ADORA1: variants seen among roughly 807,000 people sequenced by gnomAD.
ADORA1 encodes the protein adenosine A1 receptor.
A neutral mutation model predicts 19.9 loss-of-function variants in ADORA1; 6 were observed. The ratio of observed to expected loss-of-function variants is 0.30; its 90% confidence interval spans 0.17 to 0.59. ADORA1 has a LOEUF of 0.59. ADORA1 is among the 20% of genes least tolerant of loss of function. ADORA1 has a pLI of 0.87. For synonymous variants in ADORA1, 194 were observed against 188.4 expected, an observed-to-expected ratio of 1.03 and a Z score of -0.24; for missense variants, 302 against 439.2, an observed-to-expected ratio of 0.69 and a Z score of 2.79.
At chr1:203,162,207 C>T (rs1655395294) in intron 3 of ADORA1, among the ~76,000 whole-genome samples, 1 of 152,210 alleles carries the variant, frequency 6.6e-6, no homozygotes, top group Non-Finnish European at 1.5e-5. Context: ...GAGAGCCTGC[C>T]CCACCTCAGC....
intron 3 of ADORA1, among the ~76,000 whole-genome samples, chr1:203,164,100 GGAAGTAGGAACCCCTGA>G (rs1173447091): frequency 6.6e-6 from 1 of 152,184 alleles, no homozygotes; most frequent in Non-Finnish European, 1.5e-5. Context: ...TGGTTTAAAG[GGAAGTAGGAACCCCTGA>G]GATATGAAAA....
At position 203,128,521 on chromosome 1, in the gene ADORA1, G is replaced by C; in HGVS notation, c.-58+89G>C. 1.9e-6 allele frequency: 2 copies of C among 1,042,392 alleles called. No individual in the cohort carries two copies. The highest frequency in any genetic ancestry group is 3.0e-5 in the South Asian group (2 of 65,584). 64.6% of individuals were successfully genotyped at this position (1,042,392 alleles called of 1,614,324 possible). The stretch of plus-strand genomic sequence containing the variant: ...TGTGCGTGTGTCTGTGTGTGCGCGC[G>C]CGCTGGGAGCTGCCTCACACCTGAT... On this transcript the variant is annotated intron_variant, in intron 2 of 3. Coordinates refer to ENST00000337894, the MANE Select transcript of ADORA1 (RefSeq NM_000674.3). This position sits in a 1 kb window ranked among gnomAD's most constrained non-coding sequence, Gnocchi z 5.9.
Position 203,165,394 on chromosome 1 carries a change from A to G in ADORA1, c.475A>G (p.Asn159Asp). ...TGCGGTGGAGCGGGCCTGGGCAGCC[A>G]ACGGCAGCATGGGGGAGCCCGTGAT... is the stretch of plus-strand genomic sequence containing the variant. Reference protein sequence around the residue: ...LSAVERAWAANGSMGEPVIKC... With the variant: ...LSAVERAWAADGSMGEPVIKC... The change falls in exon 4 of 4, where the codon AAC (asparagine) becomes GAC (aspartate). Residue 159 changes from asparagine (N) to aspartate (D), a missense_variant. Coordinates refer to ENST00000337894, the MANE Select transcript of ADORA1 (RefSeq NM_000674.3). This position sits in a 1 kb window ranked among gnomAD's most constrained non-coding sequence, Gnocchi z 5.9. The G allele has an allele frequency of 6.2e-7, 1 of 1,609,348 alleles. No individual in the cohort carries two copies. The highest frequency in any genetic ancestry group is 8.5e-7 in the Non-Finnish European group (1 of 1,177,630).
chr1:203,143,266 C>G (rs774097316), intron 3 of ADORA1, among the ~76,000 whole-genome samples: 24 of 152,174 alleles, frequency 1.6e-4, no homozygotes, highest in Admixed American at 2.0e-4. Flanking sequence ...GGTGAGAGGG[C>G]AAGAACATGC....
intron 3 of ADORA1, among the ~76,000 whole-genome samples, chr1:203,132,103 A>G (rs561805553): frequency 6.6e-6 from 1 of 152,092 alleles, no homozygotes. Flanking sequence ...CCAGTTACAA[A>G]ATTTTTTCTT....
Position 203,165,577 on chromosome 1 carries a change from G to A in ADORA1, c.658G>A (p.Gly220Ser), listed in dbSNP as rs754581480. ...CAACAAGAAGGTGTCGGCCTCCTCCGGCGACCCGCAGAAGTACTATGGGAA... is the reference window on the plus strand; with the variant it reads ...CAACAAGAAGGTGTCGGCCTCCTCCAGCGACCCGCAGAAGTACTATGGGAA... The part of the protein sequence containing the change: ...QLNKKVSASS[G>S]DPQKYYGKEL... Residue 220 changes from glycine (G) to serine (S), a missense_variant, in exon 4 of 4, where the codon GGC becomes AGC. Gly to Ser is a moderately conservative substitution (Grantham distance 56, BLOSUM62 0). Transcript: ENST00000337894. This position sits in a 1 kb window ranked among gnomAD's most constrained non-coding sequence, Gnocchi z 5.9. 8.1e-6 allele frequency: 13 copies of A among 1,613,740 alleles called. No individual in the cohort carries two copies. Among genetic ancestry groups the A allele is most frequent in the African/African-American group, 4.0e-5 (3 of 74,896 alleles).
intron 3 of ADORA1, among the ~76,000 whole-genome samples, chr1:203,145,884 C>T (rs1387323360): frequency 6.6e-6 from 1 of 152,110 alleles, no homozygotes; most frequent in African/African-American, 2.4e-5. Context: ...TACAAGCCTG[C>T]CAAGGCCTGA....
Position 203,165,256 on chromosome 1 carries a change from C to G in ADORA1, c.342-5C>G. The G allele has an allele frequency of 6.3e-7, 1 of 1,591,682 alleles. No homozygotes were observed. The highest frequency in any genetic ancestry group is 8.6e-7 in the Non-Finnish European group (1 of 1,168,814). On this transcript the variant is annotated splice_polypyrimidine_tract_variant and splice_region_variant and intron_variant, in intron 3 of 3. Transcript: ENST00000337894. This position sits in a 1 kb window ranked among gnomAD's most constrained non-coding sequence, Gnocchi z 5.9. ...ATCCTCACACTCTGCCCTCCTCTCC[C>G]CCAGGTACAAGATGGTGGTGACCCC... is the stretch of plus-strand genomic sequence containing the variant.
chr1:203,150,624 T>C, intron 3 of ADORA1: 1 of 1,289,584 alleles, frequency 7.8e-7, no homozygotes. Context: ...TGACTGTACT[T>C]CTTCCAGGTC....
intron 3 of ADORA1, among the ~76,000 whole-genome samples, chr1:203,147,509 T>C (rs940173711): frequency 2.0e-5 from 3 of 152,212 alleles, no homozygotes; most frequent in African/African-American, 4.8e-5. Context: ...GTGCCCGATA[T>C]TGGGCCGAGT....
chr1:203,163,795 G>A lies in ADORA1; in HGVS notation c.342-1466G>A, dbSNP rs370097708. Among the ~76,000 whole-genome samples the A allele has an allele frequency of 5.9e-5, 9 of 152,234 alleles. No individual in the cohort carries two copies. The East Asian group carries it at 9.7e-4, about 16-fold the overall frequency. On this transcript the variant is annotated intron_variant, in intron 3 of 3. Transcript: ENST00000337894. Reference sequence around the variant, plus strand: ...GAAGGATCTAGGAGAAGCGTTGTCCGGGGCGAGACAGACTTTAAGCATCAT... The same window carrying A: ...GAAGGATCTAGGAGAAGCGTTGTCCAGGGCGAGACAGACTTTAAGCATCAT...
At position 203,165,597 on chromosome 1, in the gene ADORA1, T is replaced by C. The variant is rs777752008; in HGVS notation, c.678T>C (p.Tyr226=). The C allele has an allele frequency of 6.2e-7, 1 of 1,613,868 alleles. No homozygotes were observed. Among genetic ancestry groups the C allele is most frequent in the African/African-American group, 1.3e-5 (1 of 75,036 alleles). Residue 226 remains tyrosine, a synonymous_variant, in exon 4 of 4, where the codon TAT becomes TAC. Transcript: ENST00000337894. This position sits in a 1 kb window ranked among gnomAD's most constrained non-coding sequence, Gnocchi z 5.9. ...CCTCCGGCGACCCGCAGAAGTACTA[T>C]GGGAAGGAGCTGAAGATCGCCAAGT... The part of the protein sequence containing the change: ...SASSGDPQKY[Y]GKELKIAKSL...
chr1:203,128,079 G>A lies in ADORA1; in HGVS notation c.-213+151G>A. The A allele has an allele frequency of 3.3e-6, 1 of 305,000 alleles. No homozygotes were observed. Among genetic ancestry groups the A allele is most frequent in the Non-Finnish European group, 6.6e-6 (1 of 152,274 alleles). 18.9% of individuals were successfully genotyped at this position (305,000 alleles called of 1,614,324 possible). A position where few individuals can be genotyped will look rare whatever the true frequency, so the allele number is the denominator to read the frequency against. ...GGACCAGAGGACTGCTAAGATCCAG[G>A]CACCAGACGGGTCTCAAGTGGGTGG... On this transcript the variant is annotated intron_variant, in intron 1 of 3. Transcript: ENST00000337894. This position sits in a 1 kb window ranked among gnomAD's most constrained non-coding sequence, Gnocchi z 5.9.
chr1:203,155,020 T>TTATTAA (rs1655152965), intron 3 of ADORA1, among the ~76,000 whole-genome samples: 1 of 50,198 alleles, frequency 2.0e-5, no homozygotes. Flanking sequence ...TTCCTATTTA[T>TTATTAA]TATTATTATT....
chr1:203,136,276 A>G (rs1654505241), intron 3 of ADORA1, among the ~76,000 whole-genome samples: 1 of 152,074 alleles, frequency 6.6e-6, no homozygotes, highest in Non-Finnish European at 1.5e-5. Flanking sequence ...CTTGGCATAC[A>G]CGTCCTCTTA....
intron 3 of ADORA1, among the ~76,000 whole-genome samples, chr1:203,133,825 T>C (rs747864270): frequency 6.6e-6 from 1 of 151,982 alleles, no homozygotes; most frequent in Non-Finnish European, 1.5e-5. Flanking sequence ...TGAGCCAGAG[T>C]GGGGAAAGAA....
At chr1:203,140,794 G>A (rs1654657112) in intron 3 of ADORA1, among the ~76,000 whole-genome samples, 1 of 152,168 alleles carries the variant, frequency 6.6e-6, no homozygotes, top group South Asian at 2.1e-4. Context: ...GAGTTGGGGG[G>A]CTCACTGGCT....
At chr1:203,139,549 A>T (rs998174853) in intron 3 of ADORA1, among the ~76,000 whole-genome samples, 17 of 152,224 alleles carry the variant, frequency 1.1e-4, no homozygotes, top group African/African-American at 3.4e-4. Flanking sequence ...GATGAATTTG[A>T]AGTGCAACTC....
At chr1:203,135,962 T>C (rs1207314356) in intron 3 of ADORA1, among the ~76,000 whole-genome samples, 1 of 152,188 alleles carries the variant, frequency 6.6e-6, no homozygotes, top group East Asian at 1.9e-4. Context: ...AGTCTAGTCC[T>C]TATTGCCTGG....
Sources: gnomAD v4.1 joint callset for allele counts (sites outside exome capture counted in the v4.1 genomes callset) on GRCh38, gnomAD v4.1.1 for gene constraint, Gnocchi (gnomAD v3.1) non-coding constraint, MANE v1.5 for transcripts, NCBI Gene and HGNC (gene_info 2026-07-23, HGNC 2026-07-21) for gene names.